LYSMD3: variants seen among roughly 807,000 people sequenced by gnomAD.
LYSMD3 encodes LysM domain containing 3.
In LYSMD3, 13 loss-of-function variants were observed where a neutral mutation model predicts 26.1. The ratio of observed to expected loss-of-function variants is 0.50; its 90% confidence interval spans 0.32 to 0.79. The LOEUF (loss-of-function observed/expected upper bound fraction) is 0.79. Among genes scored for constraint, LYSMD3 ranks in the 30% least tolerant of loss-of-function variants. The pLI is 0.03. For missense variants in LYSMD3, 331 were observed against 362.5 expected, an observed-to-expected ratio of 0.91 and a Z score of 0.71; for synonymous variants, 109 against 119.4, an observed-to-expected ratio of 0.91 and a Z score of 0.57.
At position 90,518,899 on chromosome 5, in the gene LYSMD3, C is replaced by T. The variant is rs1280821477; in HGVS notation, c.841G>A (p.Gly281Arg). 1.9e-6 allele frequency: 3 copies of T among 1,613,974 alleles called. No individual in the cohort carries two copies. Among genetic ancestry groups the T allele is most frequent in the East Asian group, 4.5e-5 (2 of 44,860 alleles). ...TCATCTTGTTGGCTGAAATGTATTC[C>T]TTTAGTTGGCACAATTCCATTTTCC... ...EMENGIVPTK[G>R]IHFSQQDDHK... The change falls in exon 3 of 3, where the codon GGA (glycine) becomes AGA (arginine). Residue 281 changes from glycine (G) to arginine (R), a missense_variant. By Grantham distance (125) the Gly-to-Arg change is moderately radical. Around this residue, in one of 3 missense-constraint regions of LYSMD3, gnomAD observed 61 missense variants for 66.8 expected, o/e 0.91. Transcript: ENST00000315948.
chr5:90,526,603 T>G (rs930920053), intron 1 of LYSMD3, among the ~76,000 whole-genome samples: 1 of 152,140 alleles, frequency 6.6e-6, no homozygotes, highest in Non-Finnish European at 1.5e-5. Context: ...TGGAGGGAAG[T>G]AGTAAGAAGC....
In LYSMD3 at chr5:90,516,867, A is replaced by C. The variant is rs1035445129; in HGVS notation, c.*1952T>G. On this transcript the variant is annotated 3_prime_UTR_variant, in exon 3 of 3. Coordinates refer to ENST00000315948, the MANE Select transcript of LYSMD3 (RefSeq NM_198273.2). Reference sequence around the variant, plus strand: ...GTTACATATTTTGGAAATCGAACCCATAACAATTTCAAAGTACAACTAGCA... The same window carrying C: ...GTTACATATTTTGGAAATCGAACCCCTAACAATTTCAAAGTACAACTAGCA... 6.6e-6 allele frequency: 1 copy of C among 152,238 alleles called. No individual in the cohort carries two copies. Among genetic ancestry groups the C allele is most frequent in the East Asian group, 1.9e-4 (1 of 5,172 alleles). 9.4% of individuals were successfully genotyped at this position (152,238 alleles called of 1,614,324 possible). A position where few individuals can be genotyped will look rare whatever the true frequency, so the allele number is the denominator to read the frequency against.
At chr5:90,527,174 A>T (rs1256750753) in intron 1 of LYSMD3, among the ~76,000 whole-genome samples, 2 of 152,170 alleles carry the variant, frequency 1.3e-5, no homozygotes, top group Non-Finnish European at 2.9e-5. Context: ...CAACTCCAAA[A>T]CTCTGAGTAT....
Position 90,515,651 on chromosome 5 carries a change from A to T in LYSMD3, c.*3168T>A, listed in dbSNP as rs1187473774. Reference sequence around the variant, plus strand: ...TTTTAGATTGAATAAGAGAAACTTTATTACATGTTGGAGATCTTTCAAAAT... The same window carrying T: ...TTTTAGATTGAATAAGAGAAACTTTTTTACATGTTGGAGATCTTTCAAAAT... On this transcript the variant is annotated 3_prime_UTR_variant, in exon 3 of 3. Coordinates refer to ENST00000315948, the MANE Select transcript of LYSMD3 (RefSeq NM_198273.2). 6.6e-6 allele frequency: 1 copy of T among 152,204 alleles called. No individual in the cohort carries two copies. Among genetic ancestry groups the T allele is most frequent in the Non-Finnish European group, 1.5e-5 (1 of 68,014 alleles). 9.4% of individuals were successfully genotyped at this position (152,204 alleles called of 1,614,324 possible).
In LYSMD3 at chr5:90,516,612, ATT is replaced by A. The variant is rs1351347433; in HGVS notation, c.*2205_*2206del. ...AATGTATTAAATGCTTAGAAAATTC[ATT>A]TCTTTCCTAAACAGATTAGAACCAT... On this transcript the variant is annotated 3_prime_UTR_variant, in exon 3 of 3. Transcript: ENST00000315948. The A allele has an allele frequency of 1.3e-5, 2 of 152,282 alleles. No individual in the cohort carries two copies. Among genetic ancestry groups the A allele is most frequent in the Non-Finnish European group, 2.9e-5 (2 of 67,934 alleles). The allele number at this position is 152,282 out of a possible 1,614,324, so 9.4% of individuals were successfully genotyped here.
chr5:90,518,744 C>G lies in LYSMD3; in HGVS notation c.*75G>C, dbSNP rs1580230141. ...ATCTCTCTAAATTCTGCCTTTGAAG[C>G]TATTATTGGATATAACTGATTCACC... On this transcript the variant is annotated 3_prime_UTR_variant, in exon 3 of 3. Transcript: ENST00000315948. The G allele has an allele frequency of 1.5e-5, 20 of 1,355,106 alleles. No individual in the cohort carries two copies. In the East Asian group the frequency reaches 4.6e-4, roughly 31 times the overall value. 83.9% of individuals were successfully genotyped at this position (1,355,106 alleles called of 1,614,324 possible).
rs553126106 is a variant in LYSMD3, at chr5:90,519,261, A to C, written c.479T>G (p.Phe160Cys). The C allele has an allele frequency of 6.2e-7, 1 of 1,614,010 alleles. No homozygotes were observed. Among genetic ancestry groups the C allele is most frequent in the South Asian group, 1.1e-5 (1 of 91,082 alleles). Reference sequence around the variant, plus strand: ...TATGTCTCGGTCTACTTCTTTTAAAAAGCTACCAGCTGAGTCACTGTAAGC... The same window carrying C: ...TATGTCTCGGTCTACTTCTTTTAAACAGCTACCAGCTGAGTCACTGTAAGC... Reference protein sequence around the residue: ...SLAYSDSAGSFLKEVDRDIEQ... With the variant: ...SLAYSDSAGSCLKEVDRDIEQ... The change falls in exon 3 of 3, where the codon TTT (phenylalanine) becomes TGT (cysteine). Residue 160 changes from phenylalanine to cysteine, a missense_variant. By Grantham distance (205) the Phe-to-Cys change is radical. This residue lies in a region of LYSMD3 where 262 missense variants were observed against 267.3 expected (regional missense o/e 0.98). Transcript: ENST00000315948.
intron 1 of LYSMD3, among the ~76,000 whole-genome samples, chr5:90,526,718 G>A (rs2151922552): frequency 6.6e-6 from 1 of 152,260 alleles, no homozygotes; most frequent in South Asian, 2.1e-4. Context: ...ACATTGTGGT[G>A]CCATTCTCTG....
At chr5:90,523,228 G>A (rs1007336117) in intron 2 of LYSMD3, among the ~76,000 whole-genome samples, 16 of 151,998 alleles carry the variant, frequency 1.1e-4, no homozygotes, top group Middle Eastern at 3.4e-3. Context: ...AGCAAGGTAG[G>A]AGGAAAAAAC....
intron 2 of LYSMD3, chr5:90,520,286 A>G (rs1219832076): frequency 2.9e-5 from 12 of 412,718 alleles, no homozygotes; most frequent in East Asian, 1.4e-4. Flanking sequence ...CAGATTACCA[A>G]TTGGTATGCC....
At position 90,518,972 on chromosome 5, in the gene LYSMD3, A is replaced by G. The variant is rs775775236; in HGVS notation, c.768T>C (p.Ser256=). The change falls in exon 3 of 3, where the codon TCT becomes TCC. Residue 256 remains serine (S), a synonymous_variant. Coordinates refer to ENST00000315948, the MANE Select transcript of LYSMD3 (RefSeq NM_198273.2). ...GTGTGATTTTTGAATGTAAATGTGA[A>G]GAGTCCACTGTTGAATGATGACTAA... The part of the protein sequence containing the change: ...VDVSHHSTVD[S]SHLHSKITPP... The G allele has an allele frequency of 7.4e-6, 12 of 1,614,032 alleles. No homozygotes were observed. The highest frequency in any genetic ancestry group is 1.0e-5 in the Non-Finnish European group (12 of 1,179,952).
rs188530836 is a variant in LYSMD3 at position 90,519,210 on chromosome 5, T to C, written c.530A>G (p.Asn177Ser). Reference protein sequence around the residue: ...DIEQIVKCTDNKRENLNEVVS... With the variant: ...DIEQIVKCTDSKRENLNEVVS... Reference sequence around the variant, plus strand: ...TACCTCATTGAGGTTCTCTCTCTTATTGTCTGTACACTTTACTATTTGTTC... The same window carrying C: ...TACCTCATTGAGGTTCTCTCTCTTACTGTCTGTACACTTTACTATTTGTTC... Residue 177 changes from asparagine to serine, a missense_variant, in exon 3 of 3, where the codon AAT becomes AGT. This residue lies in a region of LYSMD3 where 262 missense variants were observed against 267.3 expected (regional missense o/e 0.98). Coordinates refer to ENST00000315948, the MANE Select transcript of LYSMD3 (RefSeq NM_198273.2). 4.6e-5 allele frequency: 75 copies of C among 1,614,028 alleles called. No individual in the cohort carries two copies. The highest frequency in any genetic ancestry group is 2.7e-5 in the African/African-American group (2 of 75,042).
chr5:90,521,357 A>G lies in LYSMD3; in HGVS notation c.256-1873T>C, dbSNP rs377368451. ...AATAGTAGGAAAACCAGAAACCTGA[A>G]AAGTCAAGGTGGTCAAGCAGAGAGG... is the stretch of plus-strand genomic sequence containing the variant. On this transcript the variant is annotated intron_variant, in intron 2 of 2. Coordinates refer to ENST00000315948, the MANE Select transcript of LYSMD3 (RefSeq NM_198273.2). Among the ~76,000 whole-genome samples the G allele has an allele frequency of 1.2e-4, 18 of 152,206 alleles. No homozygotes were observed. The East Asian group carries it at 3.5e-3, about 29-fold the overall frequency.
chr5:90,520,886 T>A (rs553990356), intron 2 of LYSMD3, among the ~76,000 whole-genome samples: 2 of 150,668 alleles, frequency 1.3e-5, no homozygotes, highest in South Asian at 2.1e-4. Flanking sequence ...GCCACTGCAC[T>A]CCAGCCTGGG....
rs1752960428 is a variant in LYSMD3, at chr5:90,516,722, AAAAAG to A, written c.*2092_*2096del. On this transcript the variant is annotated 3_prime_UTR_variant, in exon 3 of 3. Transcript: ENST00000315948. ...TTCAAATATATAATTTAAATACAGA[AAAAAG>A]AAAACTACCTGATGTGTTATAAGGA... The A allele has an allele frequency of 6.6e-6, 1 of 152,448 alleles. No homozygotes were observed. Among genetic ancestry groups the A allele is most frequent in the Non-Finnish European group, 1.5e-5 (1 of 67,892 alleles). 9.4% of individuals were successfully genotyped at this position (152,448 alleles called of 1,614,324 possible). A position where few individuals can be genotyped will look rare whatever the true frequency, so the allele number is the denominator to read the frequency against.
intron 1 of LYSMD3, among the ~76,000 whole-genome samples, chr5:90,527,256 A>T (rs1049549592): frequency 2.4e-4 from 37 of 152,194 alleles, no homozygotes; most frequent in Non-Finnish European, 4.1e-4. Context: ...AATACTCTGA[A>T]ATTTGAAATA....
chr5:90,522,693 C>G (rs1269315575), intron 2 of LYSMD3, among the ~76,000 whole-genome samples: 1 of 152,186 alleles, frequency 6.6e-6, no homozygotes, highest in Non-Finnish European at 1.5e-5. Flanking sequence ...CTGTATCACT[C>G]CTGTTAAAAC....
intron 1 of LYSMD3, 68 bp downstream of exon 1, chr5:90,529,380 G>C (rs565550112): frequency 1.1e-4 from 50 of 456,364 alleles, no homozygotes; most frequent in African/African-American, 9.8e-4. Context: ...CCTCCCGTGA[G>C]GACGCAGCTG....
intron 1 of LYSMD3, among the ~76,000 whole-genome samples, chr5:90,528,076 GACC>G (rs1753269362): frequency 6.6e-6 from 1 of 152,142 alleles, no homozygotes; most frequent in African/African-American, 2.4e-5. Context: ...TTGAAGTCAT[GACC>G]ACATCTTTTC....
Sources: allele counts gnomAD v4.1 joint callset (sites outside exome capture counted in the v4.1 genomes callset), GRCh38; gene constraint gnomAD v4.1.1; regional missense constraint gnomAD v4.1.1; transcripts MANE v1.5; gene names NCBI Gene and HGNC (gene_info 2026-07-23, HGNC 2026-07-21).